CHCHD6: variants seen among roughly 807,000 people sequenced by gnomAD.
CHCHD6 encodes MICOS complex subunit MIC25.
Under a neutral mutation model 32.3 loss-of-function variants are expected in CHCHD6, and 28 were observed. The observed-to-expected ratio is 0.87, with a 90% CI of 0.64 to 1.19. The LOEUF (loss-of-function observed/expected upper bound fraction) is 1.19, where lower values mean the gene tolerates loss of function less well. Ranked by LOEUF, CHCHD6 falls within the 50% of genes most tolerant of loss-of-function variation. The pLI is 0.00. For missense variants in CHCHD6, 333 were observed against 307.0 expected, an observed-to-expected ratio of 1.08 and a Z score of -0.63; for synonymous variants, 122 against 117.5, an observed-to-expected ratio of 1.04 and a Z score of -0.25.
At chr3:126,772,198 T>C (rs1244900299) in intron 4 of CHCHD6, among the ~76,000 whole-genome samples, 1 of 152,158 alleles carries the variant, frequency 6.6e-6, no homozygotes, top group Non-Finnish European at 1.5e-5. Context: ...GCCTCCTGGG[T>C]TCACGCCATT....
intron 7 of CHCHD6, among the ~76,000 whole-genome samples, chr3:126,958,136 A>G (rs2078812836): frequency 6.6e-6 from 1 of 151,214 alleles, no homozygotes; most frequent in South Asian, 2.2e-4. Flanking sequence ...ATGCGCTCCC[A>G]GCCAGCTCCT....
chr3:126,730,629 A>G lies in CHCHD6; in HGVS notation c.265A>G (p.Arg89Gly). The G allele has an allele frequency of 6.2e-7, 1 of 1,613,668 alleles. No individual in the cohort carries two copies. The highest frequency in any genetic ancestry group is 2.2e-5 in the East Asian group (1 of 44,860). ...CTCAGGGATGAAGGAGGGTGTCAAG[A>G]GGTGAGCCCGAGAGCCTGCTTGCTC... ...QPSGMKEGVK[R>G]YEQEHAAIQD... The change falls in exon 3 of 8, where the codon AGG becomes GGG. Residue 89 changes from arginine (R) to glycine (G), a missense_variant and splice_region_variant. Arg to Gly is a moderately radical substitution (Grantham distance 125). Coordinates refer to ENST00000290913, the MANE Select transcript of CHCHD6 (RefSeq NM_032343.3).
intron 6 of CHCHD6, among the ~76,000 whole-genome samples, chr3:126,955,655 G>A (rs1316958651): frequency 6.6e-6 from 1 of 152,200 alleles, no homozygotes. Context: ...TTTAGGGACT[G>A]TTCGTTTTGT....
intron 5 of CHCHD6, among the ~76,000 whole-genome samples, chr3:126,884,208 A>C (rs1358614745): frequency 6.6e-6 from 1 of 152,138 alleles, no homozygotes; most frequent in African/African-American, 2.4e-5. Flanking sequence ...AGACTCTATG[A>C]AAGCACTTGG....
intron 4 of CHCHD6, among the ~76,000 whole-genome samples, chr3:126,788,502 A>C (rs188107532): frequency 7.9e-5 from 12 of 152,162 alleles, no homozygotes; most frequent in Non-Finnish European, 7.4e-5. Flanking sequence ...TCAATTTCAG[A>C]GCCTGTTATT....
intron 4 of CHCHD6, among the ~76,000 whole-genome samples, chr3:126,774,115 G>C (rs1206101504): frequency 6.6e-6 from 1 of 152,112 alleles, no homozygotes; most frequent in East Asian, 1.9e-4. Flanking sequence ...ATATGATTCA[G>C]ATATTTTAAT....
intron 5 of CHCHD6, among the ~76,000 whole-genome samples, chr3:126,859,476 C>T (rs965569790): frequency 3.9e-5 from 6 of 152,162 alleles, no homozygotes; most frequent in Non-Finnish European, 7.3e-5. Flanking sequence ...TAGGCTTGCA[C>T]GTATGAGGCA....
intron 4 of CHCHD6, among the ~76,000 whole-genome samples, chr3:126,791,517 CA>C (rs1938541161): frequency 6.6e-6 from 1 of 152,282 alleles, no homozygotes; most frequent in Non-Finnish European, 1.5e-5. Flanking sequence ...CAAGCCTCAG[CA>C]ATGGCGGGCG....
chr3:126,948,769 C>T (rs2078675069), intron 6 of CHCHD6, among the ~76,000 whole-genome samples: 1 of 152,356 alleles, frequency 6.6e-6, no homozygotes, highest in African/African-American at 2.4e-5. Flanking sequence ...GTTTGTGCTA[C>T]AGGAAAGCTA....
At chr3:126,860,707 G>T (rs983092356) in intron 5 of CHCHD6, among the ~76,000 whole-genome samples, 1 of 152,122 alleles carries the variant, frequency 6.6e-6, no homozygotes, top group Non-Finnish European at 1.5e-5. Flanking sequence ...CTACCATTTT[G>T]TGTGTTCTCA....
intron 5 of CHCHD6, among the ~76,000 whole-genome samples, chr3:126,879,839 G>A (rs945526570): frequency 2.6e-5 from 4 of 152,172 alleles, no homozygotes; most frequent in Admixed American, 6.5e-5. Flanking sequence ...ATGAATTGTC[G>A]TAATGACTGC....
chr3:126,749,764 A>G (rs2107667303), intron 4 of CHCHD6, among the ~76,000 whole-genome samples: 1 of 152,358 alleles, frequency 6.6e-6, no homozygotes, highest in East Asian at 1.9e-4. Flanking sequence ...GGGCAAGACC[A>G]GAACTGGGCT....
intron 4 of CHCHD6, among the ~76,000 whole-genome samples, chr3:126,765,180 A>G (rs1445745724): frequency 6.6e-6 from 1 of 152,154 alleles, no homozygotes; most frequent in Non-Finnish European, 1.5e-5. Context: ...TTTCCCATCT[A>G]CCCAGTTCTC....
intron 3 of CHCHD6, 143 bp from the exon 4 acceptor site, chr3:126,732,935 C>A: frequency 1.2e-6 from 1 of 820,102 alleles, no homozygotes; most frequent in Non-Finnish European, 1.9e-6. Flanking sequence ...TGCGGTTTCA[C>A]AGCACTCTCT....
intron 6 of CHCHD6, among the ~76,000 whole-genome samples, chr3:126,939,276 G>A (rs182304169): frequency 2.2e-3 from 329 of 152,266 alleles, no homozygotes; most frequent in Non-Finnish European, 3.9e-3. Context: ...GGAAGCCATC[G>A]GAAGTGTCTG....
chr3:126,905,377 A>C (rs1273547011), intron 5 of CHCHD6, among the ~76,000 whole-genome samples: 1 of 152,214 alleles, frequency 6.6e-6, no homozygotes, highest in Non-Finnish European at 1.5e-5. Context: ...CAAAGCATGA[A>C]CAGGAGTTTC....
intron 4 of CHCHD6, among the ~76,000 whole-genome samples, chr3:126,807,300 G>T (rs1269888569): frequency 6.6e-6 from 1 of 151,722 alleles, no homozygotes; most frequent in Non-Finnish European, 1.5e-5. Context: ...AGGAGCAGAA[G>T]AAAAAGTTTT....
chr3:126,926,490 C>G (rs1444104721), intron 6 of CHCHD6, among the ~76,000 whole-genome samples: 1 of 152,104 alleles, frequency 6.6e-6, no homozygotes, highest in Admixed American at 6.6e-5. Context: ...GATGAAATGA[C>G]CTTGTGCTGA....
intron 6 of CHCHD6, among the ~76,000 whole-genome samples, chr3:126,920,547 G>A (rs2078232592): frequency 1.3e-5 from 2 of 152,144 alleles, no homozygotes; most frequent in Non-Finnish European, 2.9e-5. Context: ...TCTTTCAGTG[G>A]CCTCTTTTAG....
Sources: gnomAD v4.1 joint callset for allele counts (sites outside exome capture counted in the v4.1 genomes callset) on GRCh38, gnomAD v4.1.1 for gene constraint, MANE v1.5 for transcripts, NCBI Gene and HGNC (gene_info 2026-07-23, HGNC 2026-07-21) for gene names.